The following STK3 variants were observed in gnomAD, a reference collection of about 807,000 sequenced individuals.
The protein encoded by STK3 is serine/threonine-protein kinase 3.
A neutral mutation model predicts 58.0 loss-of-function variants in STK3; 41 were observed. The observed-to-expected ratio is 0.71, with a 90% CI of 0.55 to 0.92. The LOEUF is 0.92. Among genes scored for constraint, STK3 ranks in the 40% least tolerant of loss-of-function variants. STK3 has a pLI of 0.00. For synonymous variants in STK3, 170 were observed against 191.0 expected (o/e 0.89, Z 0.91); for missense variants, 479 against 602.7 (o/e 0.79, Z 2.15).
At chr8:98,399,589 C>T (rs955459914), downstream of STK3, among the ~76,000 whole-genome samples, 4 of 152,216 alleles carry the variant, frequency 2.6e-5, no homozygotes, top group Non-Finnish European at 4.4e-5. Flanking sequence ...CAAAGCTTTT[C>T]TATCTCTCTT....
the STK3 span, among the ~76,000 whole-genome samples, chr8:98,352,136 CAAAAA>C: frequency 9.1e-6 from 1 of 110,456 alleles, no homozygotes. Context: ...GACTCTGTCT[CAAAAA>C]AAAAAAAAAA....
chr8:98,727,351 A>C (rs1827861957), intron 4 of STK3, among the ~76,000 whole-genome samples: 1 of 152,250 alleles, frequency 6.6e-6, no homozygotes, highest in Non-Finnish European at 1.5e-5. Context: ...AAGAGGTATC[A>C]GAACAAAAAC....
chr8:98,417,616 A>T (rs758202201), intron 3 of STK3, among the ~76,000 whole-genome samples: 12 of 152,198 alleles, frequency 7.9e-5, no homozygotes, highest in Non-Finnish European at 1.8e-4. Flanking sequence ...GTAACTGTGA[A>T]CACGGTACTC....
At chr8:98,593,408 T>C in intron 7 of STK3, among the ~76,000 whole-genome samples, 1 of 152,148 alleles carries the variant, frequency 6.6e-6, no homozygotes, top group East Asian at 1.9e-4. Flanking sequence ...CAACTAAAAT[T>C]TGGTAATCAG....
At chr8:98,837,245 G>A (rs1013616757) in intron 3 of STK3, among the ~76,000 whole-genome samples, 1 of 151,276 alleles carries the variant, frequency 6.6e-6, no homozygotes, top group Non-Finnish European at 1.5e-5. Context: ...TGAAGATATA[G>A]AGTATATATT....
At chr8:98,740,202 T>C (rs905804925) in intron 4 of STK3, among the ~76,000 whole-genome samples, 5 of 152,016 alleles carry the variant, frequency 3.3e-5, no homozygotes, top group Admixed American at 2.6e-4. Context: ...TTCCCCAATC[T>C]AGCAAGGCAG....
At chr8:98,856,743 A>T (rs1170026834) in intron 3 of STK3, among the ~76,000 whole-genome samples, 1 of 152,348 alleles carries the variant, frequency 6.6e-6, no homozygotes, top group South Asian at 2.1e-4. Flanking sequence ...GTCCACACAG[A>T]CACTTGTATT....
intron 4 of STK3, among the ~76,000 whole-genome samples, chr8:98,712,739 A>G (rs1306672854): frequency 1.3e-5 from 2 of 152,194 alleles, no homozygotes; most frequent in Non-Finnish European, 2.9e-5. Flanking sequence ...ACAGAAAGTT[A>G]ACAAGGATAT....
At chr8:98,540,142 C>A (rs1157972312) in intron 9 of STK3, among the ~76,000 whole-genome samples, 1 of 152,174 alleles carries the variant, frequency 6.6e-6, no homozygotes, top group African/African-American at 2.4e-5. Flanking sequence ...TATCTCCAGC[C>A]TTCTTAAATA....
Position 98,597,664 on chromosome 8 carries a change from C to T in STK3, c.685-1495G>A, listed in dbSNP as rs1328480521. On this transcript the variant is annotated intron_variant, in intron 6 of 10. Transcript: ENST00000419617. ...GTAATTAGACTAATTTAAACTAGGA[C>T]ATATGTTCTTCCTTTTGCGTGAGCT... is the stretch of plus-strand genomic sequence containing the variant. The T allele has an allele frequency of 6.1e-6, 6 of 985,248 alleles. No homozygotes were observed. In the African/African-American group the frequency reaches 1.0e-4, roughly 17 times the overall value. The allele number at this position is 985,248 out of a possible 1,614,324, so 61.0% of individuals were successfully genotyped here.
chr8:98,832,774 C>T (rs1762588246), intron 3 of STK3, among the ~76,000 whole-genome samples: 1 of 152,108 alleles, frequency 6.6e-6, no homozygotes, highest in African/African-American at 2.4e-5. Context: ...CACAGCAGAC[C>T]TAGTTGTCTC....
chr8:98,676,860 A>C (rs2130872449), intron 6 of STK3, among the ~76,000 whole-genome samples: 1 of 152,312 alleles, frequency 6.6e-6, no homozygotes, highest in East Asian at 1.9e-4. Flanking sequence ...ATTATTTTTA[A>C]GGCAGATCAG....
At chr8:98,370,988 T>G (rs1312628614), downstream of STK3, among the ~76,000 whole-genome samples, 1 of 152,244 alleles carries the variant, frequency 6.6e-6, no homozygotes, top group Non-Finnish European at 1.5e-5. Flanking sequence ...ACTTACACTA[T>G]ATTTTAGGAA....
intron 2 of STK3, among the ~76,000 whole-genome samples, chr8:98,375,280 A>AAC (rs34622050): frequency 7.5e-5 from 11 of 146,308 alleles, no homozygotes; most frequent in South Asian, 2.2e-4. Flanking sequence ...ACAAAAAAAA[A>AAC]CAAAAAAAAA....
intron 1 of STK3, chr8:98,437,727 G>T (rs1818543493): frequency 6.6e-6 from 1 of 152,194 alleles, no homozygotes; most frequent in Admixed American, 6.5e-5. Flanking sequence ...TTGTAGGTCT[G>T]CCCAGGGTTG....
chr8:98,873,066 A>T (rs1837438504), intron 3 of STK3, among the ~76,000 whole-genome samples: 1 of 152,128 alleles, frequency 6.6e-6, no homozygotes. Flanking sequence ...TTCAAAGAAC[A>T]TCTTTATTTC....
chr8:98,376,499 AGGTCGC>A (rs1258472798), intron 2 of STK3, among the ~76,000 whole-genome samples: 1 of 146,100 alleles, frequency 6.8e-6, no homozygotes, highest in East Asian at 2.1e-4. Flanking sequence ...GCCAAACCCA[AGGTCGC>A]ATAGATTTTT....
intron 1 of STK3, among the ~76,000 whole-genome samples, chr8:98,907,236 G>A (rs531409861): frequency 1.1e-4 from 17 of 152,132 alleles, no homozygotes; most frequent in South Asian, 8.3e-4. Context: ...AAAAAAGGCC[G>A]GGTGCGGTGG....
intron 10 of STK3, among the ~76,000 whole-genome samples, chr8:98,464,843 CT>C (rs916295875): frequency 2.0e-5 from 3 of 152,150 alleles, no homozygotes; most frequent in Non-Finnish European, 4.4e-5. Flanking sequence ...ATCAAATCTA[CT>C]GGCAGACCCC....
Sources: allele counts gnomAD v4.1 joint callset (sites outside exome capture counted in the v4.1 genomes callset), GRCh38; gene constraint gnomAD v4.1.1; transcripts MANE v1.5; gene names NCBI Gene and HGNC (gene_info 2026-07-23, HGNC 2026-07-21).